RGS7: variants seen among roughly 807,000 people sequenced by gnomAD.
RGS7 encodes regulator of G protein signaling 7, also known as regulator of G-protein signaling 7.
RGS7 carries 27 observed loss-of-function variants against 81.1 expected under a neutral mutation model. That is an observed-to-expected ratio of 0.33 (90% CI 0.25 to 0.46). RGS7 has a LOEUF of 0.46. RGS7 is among the 20% of genes least tolerant of loss of function. The pLI is 1.00. For synonymous variants in RGS7, 208 were observed against 207.7 expected (o/e 1.00, Z -0.01); for missense variants, 396 against 607.4 (o/e 0.65, Z 3.66).
chr1:241,062,031 T>A lies in RGS7; in HGVS notation c.175+36635A>T, dbSNP rs529399341. On this transcript the variant is annotated intron_variant, in intron 3 of 18. Transcript: ENST00000440928. Reference sequence around the variant, plus strand: ...TTTTGTTTTTCCTTCAGTGATCACCTACACTTCTGTTAGTCATTAAACAAA... The same window carrying A: ...TTTTGTTTTTCCTTCAGTGATCACCAACACTTCTGTTAGTCATTAAACAAA... Among the ~76,000 whole-genome samples, 5 of 152,358 alleles carry A rather than the reference T, an allele frequency of 3.3e-5. No individual in the cohort carries two copies. The Middle Eastern group carries it at 0.017, about 518-fold the overall frequency.
chr1:241,321,856 A>C (rs1049102493), intron 2 of RGS7, among the ~76,000 whole-genome samples: 1 of 152,158 alleles, frequency 6.6e-6, no homozygotes, highest in East Asian at 1.9e-4. Context: ...TTGTGGAATA[A>C]AGTCCAAACC....
chr1:241,143,504 TC>T (rs2068080132), intron 2 of RGS7, among the ~76,000 whole-genome samples: 1 of 152,138 alleles, frequency 6.6e-6, no homozygotes, highest in African/African-American at 2.4e-5. Context: ...GGGGAACTCC[TC>T]TTTTTAAAAC....
intron 3 of RGS7, among the ~76,000 whole-genome samples, chr1:241,000,814 A>ATT (rs10691671): frequency 0.045 from 5,888 of 130,166 alleles, 390 homozygotes; most frequent in African/African-American, 0.13. Flanking sequence ...CACCCAGCTA[A>ATT]TTTTTTTTTT....
intron 3 of RGS7, among the ~76,000 whole-genome samples, chr1:241,026,126 G>A (rs1435372183): frequency 1.3e-5 from 2 of 152,126 alleles, no homozygotes; most frequent in Non-Finnish European, 2.9e-5. Flanking sequence ...TTCCAGCACT[G>A]GAATACAAGC....
intron 16 of RGS7, among the ~76,000 whole-genome samples, chr1:240,802,441 G>A (rs1270054959): frequency 6.6e-6 from 1 of 152,066 alleles, no homozygotes; most frequent in Non-Finnish European, 1.5e-5. Flanking sequence ...AAAAATATTC[G>A]GAAGCAAACA....
rs571180615 is a variant in RGS7 at position 240,932,658 on chromosome 1, G to T, written c.334-1890C>A. ...CAAGTAGCTGGGACTACAGGTGCCC[G>T]CCACCACGCCCAGCTGAGTTTTTGT... On this transcript the variant is annotated intron_variant, in intron 5 of 18. Coordinates refer to ENST00000440928, the MANE Select transcript of RGS7 (RefSeq NM_001364886.1). Among the ~76,000 whole-genome samples the T allele has an allele frequency of 2.3e-4, 33 of 146,482 alleles. 2 individuals are homozygous for T. The highest frequency in any genetic ancestry group is 1.6e-3 in the Admixed American group (24 of 14,600).
chr1:241,170,109 C>G (rs757716133), intron 2 of RGS7, among the ~76,000 whole-genome samples: 4 of 152,014 alleles, frequency 2.6e-5, no homozygotes, highest in Non-Finnish European at 5.9e-5. Context: ...GAGACAGCAG[C>G]AATCTCATAT....
chr1:241,216,600 G>A (rs555161957), intron 2 of RGS7, among the ~76,000 whole-genome samples: 206 of 152,200 alleles, frequency 1.4e-3, no homozygotes, highest in South Asian at 2.5e-3. Context: ...CCCTATTCAC[G>A]CTATTGAACA....
chr1:240,915,629 C>A (rs1672478223), intron 6 of RGS7, among the ~76,000 whole-genome samples: 1 of 152,086 alleles, frequency 6.6e-6, no homozygotes, highest in African/African-American at 2.4e-5. Flanking sequence ...AAACATAAAA[C>A]CTCACAGTAA....
chr1:241,080,344 G>T (rs187020043), intron 3 of RGS7, among the ~76,000 whole-genome samples: 2 of 150,858 alleles, frequency 1.3e-5, no homozygotes, highest in African/African-American at 4.9e-5. Context: ...TGAGAATGTA[G>T]AAAATAATTA....
intron 9 of RGS7, among the ~76,000 whole-genome samples, chr1:240,846,132 CAG>C (rs747204063): frequency 6.6e-6 from 1 of 152,178 alleles, no homozygotes; most frequent in Non-Finnish European, 1.5e-5. Context: ...GGCCTAAATA[CAG>C]AGTCAGGGAC....
intron 2 of RGS7, among the ~76,000 whole-genome samples, chr1:241,153,388 AAC>A (rs1196857855): frequency 2.0e-5 from 3 of 152,258 alleles, no homozygotes; most frequent in African/African-American, 4.8e-5. Flanking sequence ...ATCATATTAT[AAC>A]ACATATTATG....
chr1:241,076,593 T>G (rs2062814697), intron 3 of RGS7, among the ~76,000 whole-genome samples: 1 of 152,204 alleles, frequency 6.6e-6, no homozygotes, highest in Non-Finnish European at 1.5e-5. Context: ...CTCATATCAA[T>G]AAGAATTAGA....
chr1:241,264,224 G>A (rs948492758), intron 2 of RGS7, among the ~76,000 whole-genome samples: 43 of 152,134 alleles, frequency 2.8e-4, no homozygotes, highest in Non-Finnish European at 1.0e-4. Flanking sequence ...TAGGCCAGGC[G>A]CAGTGACTCA....
intron 3 of RGS7, among the ~76,000 whole-genome samples, chr1:241,030,373 T>TATATATATATATATATATATAC (rs374223475): frequency 1.5e-4 from 20 of 135,234 alleles, no homozygotes; most frequent in African/African-American, 3.4e-4. Context: ...TATATATATA[T>TATATATATATATATATATATAC]ACATACACAC....
chr1:240,899,360 A>G (rs979750640), intron 6 of RGS7, among the ~76,000 whole-genome samples: 4 of 152,186 alleles, frequency 2.6e-5, no homozygotes, highest in Non-Finnish European at 2.9e-5. Context: ...TCATTAGTTG[A>G]TGTGGTTTCT....
rs1192154519 is a variant in RGS7, at chr1:241,271,988, T to C, written c.78+83711A>G. 7.0e-6 allele frequency among the ~76,000 whole-genome samples: 1 copy of C among 141,954 alleles called. No individual in the cohort carries two copies. Among genetic ancestry groups the C allele is most frequent in the African/African-American group, 2.6e-5 (1 of 37,966 alleles). 93.1% of individuals were successfully genotyped at this position (141,954 alleles called of 152,430 possible). On this transcript the variant is annotated intron_variant, in intron 2 of 18. Transcript: ENST00000440928. This position sits in a 1 kb window ranked among gnomAD's most constrained non-coding sequence, Gnocchi z 4.6. ...AACCCTGACTACTAGAATTTCTTTT[T>C]TTTTTTTTTTATTTTTATTTTTTGA...
chr1:241,334,594 G>A (rs2082143390), intron 2 of RGS7, among the ~76,000 whole-genome samples: 1 of 152,102 alleles, frequency 6.6e-6, no homozygotes, highest in African/African-American at 2.4e-5. Flanking sequence ...CAATACAGTG[G>A]GAAGGGACTA....
chr1:241,005,527 C>G (rs1459507991), intron 3 of RGS7, among the ~76,000 whole-genome samples: 1 of 151,890 alleles, frequency 6.6e-6, no homozygotes, highest in Non-Finnish European at 1.5e-5. Context: ...TAGCGTCTGG[C>G]TTCTTTTTAT....
Sources: gnomAD v4.1 joint callset for allele counts (sites outside exome capture counted in the v4.1 genomes callset) on GRCh38, gnomAD v4.1.1 for gene constraint, Gnocchi (gnomAD v3.1) non-coding constraint, MANE v1.5 for transcripts, NCBI Gene and HGNC (gene_info 2026-07-23, HGNC 2026-07-21) for gene names.